BRPF3: variants seen among roughly 807,000 people sequenced by gnomAD.
BRPF3 encodes the protein bromodomain and PHD finger-containing protein 3.
Under a neutral mutation model 102.0 loss-of-function variants are expected in BRPF3, and 18 were observed. That is an observed-to-expected ratio of 0.18 (90% CI 0.12 to 0.26). BRPF3 has a LOEUF of 0.26. Ranked by LOEUF, BRPF3 falls within the 10% of genes least tolerant of loss-of-function variation. The probability of loss-of-function intolerance (pLI) is 1.00; values close to 1 mark genes in which losing one functional copy is unlikely to be tolerated. For missense variants in BRPF3, 1,147 were observed against 1,567.8 expected (o/e 0.73, Z 4.53); for synonymous variants, 570 against 614.2 (o/e 0.93, Z 1.06).
At chr6:36,229,537 G>A (rs573142685) in intron 12 of BRPF3, among the ~76,000 whole-genome samples, 1 of 152,348 alleles carries the variant, frequency 6.6e-6, no homozygotes, top group East Asian at 1.9e-4. Flanking sequence ...TCAGATGAGA[G>A]CCTGTGAGCT....
rs924303659 is a variant in BRPF3, at chr6:36,211,466, A to T, written c.2388A>T (p.Thr796=). Residue 796 remains threonine, a synonymous_variant, in exon 7 of 13, where the codon ACA becomes ACT. Coordinates refer to ENST00000357641, the MANE Select transcript of BRPF3 (RefSeq NM_015695.3). ...PPPQPPSLNK[T]VSNGELPAGP... is the part of the protein sequence containing the mutation. ...CACAGCCACCATCACTCAACAAGAC[A>T]GTATCCAATGGGGAGCTGCCAGCAG... 6.2e-7 allele frequency: 1 copy of T among 1,600,858 alleles called. No homozygotes were observed. Among genetic ancestry groups the T allele is most frequent in the Admixed American group, 1.7e-5 (1 of 57,886 alleles).
intron 2 of BRPF3, 110 bp from the exon 3 acceptor site, chr6:36,204,548 T>C (rs369237721): frequency 6.1e-6 from 8 of 1,315,518 alleles, no homozygotes; most frequent in Admixed American, 1.7e-5. Flanking sequence ...CATTTTATTC[T>C]GTCTTCCTGT....
intron 1 of BRPF3, among the ~76,000 whole-genome samples, chr6:36,198,716 G>T (rs191425727): frequency 1.1e-4 from 16 of 152,250 alleles, no homozygotes; most frequent in Admixed American, 7.2e-4. Flanking sequence ...TTTTCTCTTT[G>T]AAATCTTCTC....
chr6:36,197,858 C>T (rs1471984610), intron 1 of BRPF3, among the ~76,000 whole-genome samples: 2 of 152,160 alleles, frequency 1.3e-5, no homozygotes, highest in Non-Finnish European at 2.9e-5. Flanking sequence ...GGACAAAACA[C>T]GTCTGTGTAG....
chr6:36,217,902 G>T lies in BRPF3; in HGVS notation c.2990-15G>T. The T allele has an allele frequency of 6.2e-7, 1 of 1,611,970 alleles. No individual in the cohort carries two copies. Among genetic ancestry groups the T allele is most frequent in the Non-Finnish European group, 8.5e-7 (1 of 1,178,724 alleles). On this transcript the variant is annotated splice_polypyrimidine_tract_variant and intron_variant, in intron 8 of 12. Coordinates refer to ENST00000357641, the MANE Select transcript of BRPF3 (RefSeq NM_015695.3). ...GGATTTCTGCACTCAGACTCACTGT[G>T]TGTGTCCTTGGCAGGCATGACCAAC...
chr6:36,230,069 C>A lies in BRPF3; in HGVS notation c.3435-357C>A, dbSNP rs539957238. ...TCCTAGCCATCGCCCCCTAATTCTC[C>A]AACGCAAGGCGAGGCTCAGAGCCCT... On this transcript the variant is annotated intron_variant, in intron 12 of 12. Transcript: ENST00000357641. This position sits in a 1 kb window ranked among gnomAD's most constrained non-coding sequence, Gnocchi z 5.4. 7.2e-5 allele frequency among the ~76,000 whole-genome samples: 11 copies of A among 152,320 alleles called. No individual in the cohort carries two copies. In the South Asian group the frequency reaches 2.1e-3, roughly 29 times the overall value.
At position 36,230,623 on chromosome 6, in the gene BRPF3, C is replaced by A. The variant is rs759896897; in HGVS notation, c.*14C>A. On this transcript the variant is annotated 3_prime_UTR_variant, in exon 13 of 13. Transcript: ENST00000357641. This position sits in a 1 kb window ranked among gnomAD's most constrained non-coding sequence, Gnocchi z 5.4. ...AGCTACCTGTAAGGGCAGGGCTGGGCCTGCATCCGCTTGCCCTGCCTCCAT... is the reference window on the plus strand; with the variant it reads ...AGCTACCTGTAAGGGCAGGGCTGGGACTGCATCCGCTTGCCCTGCCTCCAT... The A allele has an allele frequency of 1.9e-6, 3 of 1,611,224 alleles. No homozygotes were observed. In the Admixed American group the frequency reaches 5.0e-5, roughly 27 times the overall value.
chr6:36,213,744 A>G, intron 7 of BRPF3, 136 bp from the exon 8 acceptor site: 1 of 889,048 alleles, frequency 1.1e-6, no homozygotes, highest in Non-Finnish European at 1.7e-6. Context: ...TCTTTGCTTC[A>G]GATCTAAGAC....
chr6:36,211,719 A>G (rs1768122069), intron 7 of BRPF3, among the ~76,000 whole-genome samples, 159 bp downstream of exon 7: 1 of 152,202 alleles, frequency 6.6e-6, no homozygotes, highest in Admixed American at 6.5e-5. Flanking sequence ...ATACGCAGGG[A>G]TGATGTTCAA....
At position 36,231,395 on chromosome 6, in the gene BRPF3, T is replaced by C. The variant is rs1412773974; in HGVS notation, c.*786T>C. Reference sequence around the variant, plus strand: ...CAGCTCTGCAAGTGTGCCCCCTGGATCAAGGCGGGTCCCCTCTTGTTTTTT... The same window carrying C: ...CAGCTCTGCAAGTGTGCCCCCTGGACCAAGGCGGGTCCCCTCTTGTTTTTT... On this transcript the variant is annotated 3_prime_UTR_variant, in exon 13 of 13. Coordinates refer to ENST00000357641, the MANE Select transcript of BRPF3 (RefSeq NM_015695.3). 6.6e-6 allele frequency: 1 copy of C among 152,188 alleles called. No individual in the cohort carries two copies. The highest frequency in any genetic ancestry group is 1.5e-5 in the Non-Finnish European group (1 of 68,066). 9.4% of individuals were successfully genotyped at this position (152,188 alleles called of 1,614,324 possible).
intron 7 of BRPF3, among the ~76,000 whole-genome samples, 191 bp downstream of exon 7, chr6:36,211,751 AC>A (rs1318404600): frequency 2.0e-5 from 3 of 152,226 alleles, no homozygotes; most frequent in Non-Finnish European, 2.9e-5. Context: ...ATCACTAGAG[AC>A]TAAAATTTAT....
intron 8 of BRPF3, among the ~76,000 whole-genome samples, chr6:36,216,445 C>G (rs1488706393): frequency 5.3e-5 from 8 of 152,212 alleles, no homozygotes; most frequent in Non-Finnish European, 1.2e-4. Context: ...GCCTGGCACT[C>G]AGGGATACTT....
In BRPF3 at chr6:36,222,284, G is replaced by A. The variant is rs769192924; in HGVS notation, c.3181+19G>A. 6.3e-5 allele frequency: 98 copies of A among 1,547,824 alleles called. No homozygotes were observed. The highest frequency in any genetic ancestry group is 8.3e-5 in the Non-Finnish European group (95 of 1,145,432). On this transcript the variant is annotated intron_variant, in intron 10 of 12. Transcript: ENST00000357641. ...GGCTCAGGTGAGGAGCAGTGTTCAG[G>A]CAGAACTGAGGGGGCCAGGCCTTCT... is the stretch of plus-strand genomic sequence containing the variant.
In BRPF3 at chr6:36,201,148, G is replaced by A; in HGVS notation, c.826G>A (p.Gly276Ser). ...PVDCILCPNK[G>S]GAFKQTSDGH... ...GGATTGCATCCTTTGCCCCAATAAG[G>A]GTGGCGCCTTCAAACAGACCAGTGA... Residue 276 changes from glycine (G) to serine (S), a missense_variant, in exon 2 of 13, where the codon GGT becomes AGT. Physicochemically the swap from Gly to Ser is moderately conservative, Grantham distance 56 (BLOSUM62 0). Coordinates refer to ENST00000357641, the MANE Select transcript of BRPF3 (RefSeq NM_015695.3). This position sits in a 1 kb window ranked among gnomAD's most constrained non-coding sequence, Gnocchi z 5.1. The A allele has an allele frequency of 1.2e-6, 2 of 1,614,102 alleles. No individual in the cohort carries two copies. Among genetic ancestry groups the A allele is most frequent in the Non-Finnish European group, 1.7e-6 (2 of 1,180,010 alleles).
intron 1 of BRPF3, among the ~76,000 whole-genome samples, chr6:36,198,737 T>A (rs1043575332): frequency 2.6e-5 from 4 of 152,216 alleles, no homozygotes; most frequent in Admixed American, 2.0e-4. Context: ...TTTGTTCATA[T>A]CCTTCCAAGT....
At chr6:36,199,777 G>T (rs1427766359) in intron 1 of BRPF3, among the ~76,000 whole-genome samples, 4 of 152,188 alleles carry the variant, frequency 2.6e-5, no homozygotes, top group Non-Finnish European at 5.9e-5. Flanking sequence ...TGTCTTTTGA[G>T]TTAGACAGGG....
At chr6:36,221,583 C>T (rs148492484) in intron 9 of BRPF3, among the ~76,000 whole-genome samples, 1 of 152,264 alleles carries the variant, frequency 6.6e-6, no homozygotes, top group East Asian at 1.9e-4. Flanking sequence ...CCACACCCAG[C>T]CCACTTTTTA....
intron 3 of BRPF3, among the ~76,000 whole-genome samples, chr6:36,206,331 T>C (rs1767904093): frequency 6.6e-6 from 1 of 152,172 alleles, no homozygotes; most frequent in Non-Finnish European, 1.5e-5. Flanking sequence ...AGTTCTTGAT[T>C]TTATAAGCTT....
Position 36,200,319 on chromosome 6 carries a change from T to G in BRPF3, c.-4T>G. On this transcript the variant is annotated 5_prime_UTR_variant, in exon 2 of 13. Coordinates refer to ENST00000357641, the MANE Select transcript of BRPF3 (RefSeq NM_015695.3). The surrounding 1 kb of genome is among the most constrained non-coding windows in gnomAD (Gnocchi z 5.3). ...TAGGCCTGTCCCCTCAGTTCCCAGGTGCCATGAGGAAGCCTCGTCGGAAGT... is the reference window on the plus strand; with the variant it reads ...TAGGCCTGTCCCCTCAGTTCCCAGGGGCCATGAGGAAGCCTCGTCGGAAGT... 1 of 1,611,444 alleles carries G rather than the reference T, an allele frequency of 6.2e-7. No individual in the cohort carries two copies. Among genetic ancestry groups the G allele is most frequent in the African/African-American group, 1.3e-5 (1 of 74,976 alleles).
Sources: gnomAD v4.1 joint callset for allele counts (sites outside exome capture counted in the v4.1 genomes callset) on GRCh38, gnomAD v4.1.1 for gene constraint, Gnocchi (gnomAD v3.1) non-coding constraint, MANE v1.5 for transcripts, NCBI Gene and HGNC (gene_info 2026-07-23, HGNC 2026-07-21) for gene names.